PTPRO: variants seen among roughly 807,000 people sequenced by gnomAD.
PTPRO encodes the protein protein tyrosine phosphatase receptor type O.
A neutral mutation model predicts 145.2 loss-of-function variants in PTPRO; 62 were observed. The observed-to-expected ratio is 0.43, with a 90% CI of 0.35 to 0.53. The LOEUF (loss-of-function observed/expected upper bound fraction) is 0.53, where lower values mean the gene tolerates loss of function less well. Ranked by LOEUF, PTPRO falls within the 20% of genes least tolerant of loss-of-function variation. The pLI, the probability that PTPRO is intolerant of heterozygous loss-of-function variation, is 0.01. For synonymous variants in PTPRO, 565 were observed against 514.7 expected, an observed-to-expected ratio of 1.10 and a Z score of -1.32; for missense variants, 1,345 against 1,482.7, an observed-to-expected ratio of 0.91 and a Z score of 1.53.
intron 19 of PTPRO, among the ~76,000 whole-genome samples, chr12:15,574,946 G>A (rs1205874556): frequency 4.6e-5 from 7 of 152,124 alleles, no homozygotes; most frequent in Non-Finnish European, 5.9e-5. Context: ...TGCAGGTTAT[G>A]GGCTGAATAT....
chr12:15,550,629 C>T (rs1943431170), intron 14 of PTPRO, among the ~76,000 whole-genome samples: 2 of 152,214 alleles, frequency 1.3e-5, no homozygotes, highest in Admixed American at 1.3e-4. Flanking sequence ...AAAAGCTCTT[C>T]TGATCATGCG....
At chr12:15,558,832 A>G (rs1396105437) in intron 16 of PTPRO, among the ~76,000 whole-genome samples, 3 of 152,188 alleles carry the variant, frequency 2.0e-5, no homozygotes, top group African/African-American at 7.2e-5. Context: ...TCTAGTTGAA[A>G]CCAGATTTCT....
chr12:15,549,147 C>T lies in PTPRO; in HGVS notation c.2358C>T (p.Ala786=), dbSNP rs1943383326. 1.2e-6 allele frequency: 2 copies of T among 1,612,688 alleles called. No individual in the cohort carries two copies. The highest frequency in any genetic ancestry group is 1.7e-6 in the Non-Finnish European group (2 of 1,179,636). ...TGACCATCTCCAGCCTTCTTCCTGC[C>T]ACTGCCTACAATTGTAGTGTCACCA... is the stretch of plus-strand genomic sequence containing the variant. ...HVVTISSLLP[A]TAYNCSVTSF... The change falls in exon 14 of 27, where the codon GCC becomes GCT. Residue 786 remains alanine (A), a synonymous_variant. Coordinates refer to ENST00000281171, the MANE Select transcript of PTPRO (RefSeq NM_030667.3).
At chr12:15,450,598 A>C (rs948367448) in intron 1 of PTPRO, among the ~76,000 whole-genome samples, 39 of 152,070 alleles carry the variant, frequency 2.6e-4, no homozygotes, top group Non-Finnish European at 4.4e-4. Context: ...ACATGGTGAA[A>C]CTCTGTCTCT....
intron 23 of PTPRO, among the ~76,000 whole-genome samples, chr12:15,584,033 C>T (rs544866300): frequency 2.6e-5 from 4 of 152,288 alleles, no homozygotes; most frequent in South Asian, 2.1e-4. Flanking sequence ...CCCTTTGTGG[C>T]GTCTTCTCTG....
At chr12:15,485,512 A>G (rs1941866977) in intron 2 of PTPRO, among the ~76,000 whole-genome samples, 1 of 152,180 alleles carries the variant, frequency 6.6e-6, no homozygotes, top group Admixed American at 6.6e-5. Context: ...CCCAAGCCTT[A>G]TGCTTGCTTA....
At chr12:15,525,681 C>A (rs976546271) in intron 11 of PTPRO, among the ~76,000 whole-genome samples, 1 of 152,208 alleles carries the variant, frequency 6.6e-6, no homozygotes, top group Non-Finnish European at 1.5e-5. Flanking sequence ...CTTCTACTTA[C>A]AATCCACTGA....
chr12:15,592,447 C>T (rs1168101993), intron 25 of PTPRO, among the ~76,000 whole-genome samples: 1 of 152,142 alleles, frequency 6.6e-6, no homozygotes, highest in Non-Finnish European at 1.5e-5. Flanking sequence ...TCTACATTGC[C>T]TTGACCCCAC....
chr12:15,379,721 G>A (rs1938800884), intron 1 of PTPRO, among the ~76,000 whole-genome samples: 1 of 151,956 alleles, frequency 6.6e-6, no homozygotes, highest in African/African-American at 2.4e-5. Flanking sequence ...ATATGAAATA[G>A]GCAAATTTAT....
chr12:15,580,051 G>A lies in PTPRO; in HGVS notation c.2933G>A (p.Arg978His), dbSNP rs868236147. ...YTNILPYDFS[R>H]VRLVSMNEEE... ...TTATTCTCTACAGATGACTTCAGCC[G>A]TGTGAGATTAGTCTCCATGAATGAA... Residue 978 changes from arginine to histidine, a missense_variant, in exon 21 of 27, where the codon CGT becomes CAT. Physicochemically the swap from Arg to His is conservative, Grantham distance 29. Around this residue, in one of 3 missense-constraint regions of PTPRO, gnomAD observed 1,130 missense variants for 1,214.7 expected, o/e 0.93. Coordinates refer to ENST00000281171, the MANE Select transcript of PTPRO (RefSeq NM_030667.3). The A allele has an allele frequency of 1.2e-6, 2 of 1,612,382 alleles. No individual in the cohort carries two copies. The highest frequency in any genetic ancestry group is 8.5e-7 in the Non-Finnish European group (1 of 1,179,260).
intron 12 of PTPRO, among the ~76,000 whole-genome samples, chr12:15,530,072 T>TA (rs1294457451): frequency 6.6e-6 from 1 of 152,218 alleles, no homozygotes; most frequent in Admixed American, 6.5e-5. Context: ...AAAGCAGATG[T>TA]AGCTATGCTT....
At chr12:15,426,048 A>T (rs1017531644) in intron 1 of PTPRO, among the ~76,000 whole-genome samples, 1 of 151,618 alleles carries the variant, frequency 6.6e-6, no homozygotes, top group Non-Finnish European at 1.5e-5. Context: ...TAACTTTTTC[A>T]TACTAGAATA....
At chr12:15,511,034 G>A (rs7305674) in intron 7 of PTPRO, among the ~76,000 whole-genome samples, 102,854 of 148,048 alleles carry the variant, frequency 0.69, 36,184 homozygotes, top group Admixed American at 0.74. Flanking sequence ...TGCCTATCAT[G>A]TACTTACTTC....
intron 1 of PTPRO, among the ~76,000 whole-genome samples, chr12:15,419,400 G>A (rs893334413): frequency 1.3e-5 from 2 of 151,548 alleles, no homozygotes; most frequent in East Asian, 1.9e-4. Flanking sequence ...GCCAGAAGAT[G>A]AAGCAATTCA....
chr12:15,505,272 T>C (rs1362464210), intron 6 of PTPRO, among the ~76,000 whole-genome samples: 3 of 152,224 alleles, frequency 2.0e-5, no homozygotes, highest in Non-Finnish European at 4.4e-5. Flanking sequence ...ACATAACTTA[T>C]TAGTGTGTGG....
intron 12 of PTPRO, among the ~76,000 whole-genome samples, chr12:15,539,307 G>T (rs1943130126): frequency 6.6e-6 from 1 of 152,076 alleles, no homozygotes; most frequent in Non-Finnish European, 1.5e-5. Flanking sequence ...ATAAACATAT[G>T]CAAATTTTTA....
In PTPRO at chr12:15,440,301, T is replaced by G. The variant is rs1940726368; in HGVS notation, c.76-43673T>G. On this transcript the variant is annotated intron_variant, in intron 1 of 26. Coordinates refer to ENST00000281171, the MANE Select transcript of PTPRO (RefSeq NM_030667.3). ...ACCCCCAACCTCCGGAAGGAGACTG[T>G]ATTCACCATGTCTCCCTATCAGGAA... 1.7e-5 allele frequency: 9 copies of G among 536,908 alleles called. No individual in the cohort carries two copies. In the Admixed American group the frequency reaches 2.6e-4, roughly 16 times the overall value. The allele number at this position is 536,908 out of a possible 1,614,324, so 33.3% of individuals were successfully genotyped here. A position where few individuals can be genotyped will look rare whatever the true frequency, so the allele number is the denominator to read the frequency against.
intron 2 of PTPRO, among the ~76,000 whole-genome samples, chr12:15,491,587 C>T (rs1206640315): frequency 6.6e-6 from 1 of 152,114 alleles, no homozygotes; most frequent in African/African-American, 2.4e-5. Context: ...AAAAAATGAT[C>T]ACACTAAATG....
At chr12:15,364,468 A>G (rs1027277843) in intron 1 of PTPRO, among the ~76,000 whole-genome samples, 4 of 152,080 alleles carry the variant, frequency 2.6e-5, no homozygotes, top group Non-Finnish European at 5.9e-5. Flanking sequence ...GTAATCCAAA[A>G]CCTCATTTAT....
Sources: gnomAD v4.1 joint callset for allele counts (sites outside exome capture counted in the v4.1 genomes callset) on GRCh38, gnomAD v4.1.1 for gene constraint, gnomAD v4.1.1 regional missense constraint, MANE v1.5 for transcripts, NCBI Gene and HGNC (gene_info 2026-07-23, HGNC 2026-07-21) for gene names.